Variants in MICAL3 observed in about 807,000 individuals in gnomAD.
MICAL3 encodes the protein [F-actin]-monooxygenase MICAL3.
Under a neutral mutation model 207.4 loss-of-function variants are expected in MICAL3, and 62 were observed. The observed-to-expected ratio is 0.30, with a 90% CI of 0.24 to 0.37. The LOEUF (loss-of-function observed/expected upper bound fraction) is 0.37. Among genes scored for constraint, MICAL3 ranks in the 10% least tolerant of loss-of-function variants. The probability of loss-of-function intolerance (pLI) is 1.00; values close to 1 mark genes in which losing one functional copy is unlikely to be tolerated. For synonymous variants in MICAL3, 1,077 were observed against 1,069.3 expected, an observed-to-expected ratio of 1.01 and a Z score of -0.14; for missense variants, 2,368 against 2,635.6, an observed-to-expected ratio of 0.90 and a Z score of 2.22.
At chr22:17,879,890 C>A (rs1370673159) in intron 16 of MICAL3, among the ~76,000 whole-genome samples, 2 of 152,148 alleles carry the variant, frequency 1.3e-5, no homozygotes, top group African/African-American at 4.8e-5. Context: ...CGGGCCAAAG[C>A]ATAATTTACT....
chr22:17,835,783 C>G (rs1170065887), intron 20 of MICAL3, among the ~76,000 whole-genome samples: 4 of 152,230 alleles, frequency 2.6e-5, no homozygotes, highest in Non-Finnish European at 5.9e-5. Flanking sequence ...ACGCACTGTC[C>G]TGTGAGATTG....
At chr22:17,808,266 T>G (rs577978540) in intron 29 of MICAL3, among the ~76,000 whole-genome samples, 1 of 152,230 alleles carries the variant, frequency 6.6e-6, no homozygotes, top group African/African-American at 2.4e-5. Context: ...CTGCTCCACG[T>G]CGGCTGGTCA....
intron 1 of MICAL3, among the ~76,000 whole-genome samples, chr22:18,006,820 C>T (rs545812763): frequency 4.6e-5 from 7 of 152,062 alleles, no homozygotes; most frequent in Non-Finnish European, 8.8e-5. Flanking sequence ...GCAACAAGAG[C>T]GAAACTCTGT....
At position 17,906,799 on chromosome 22, in the gene MICAL3, T is replaced by C. The variant is rs752116128; in HGVS notation, c.14A>G (p.Lys5Arg). The part of the protein sequence containing the change: MEER[K>R]HETMNPAHVL... ...ATGAGCTGGGTTCATGGTCTCATGC[T>C]TCCTCTCCTCCATGCTGCCTCACTC... The change falls in exon 2 of 32, where the codon AAG (lysine) becomes AGG (arginine). Residue 5 changes from lysine (K) to arginine (R), a missense_variant. Transcript: ENST00000441493. 4 of 1,606,430 alleles carry C rather than the reference T, an allele frequency of 2.5e-6. No homozygotes were observed. Among genetic ancestry groups the C allele is most frequent in the African/African-American group, 1.3e-5 (1 of 74,744 alleles).
chr22:17,821,853 A>T (rs1414870051), intron 24 of MICAL3, among the ~76,000 whole-genome samples, 177 bp downstream of exon 24: 2 of 152,234 alleles, frequency 1.3e-5, no homozygotes, highest in African/African-American at 2.4e-5. Flanking sequence ...CAACTGCAGC[A>T]GCCTGTGGCA....
In MICAL3 at chr22:17,942,053, C is replaced by A. The variant is rs983820161; in HGVS notation, c.-74-35167G>T. 1.6e-4 allele frequency among the ~76,000 whole-genome samples: 24 copies of A among 152,222 alleles called. 1 individual carries two copies. Among genetic ancestry groups the A allele is most frequent in the Non-Finnish European group, 2.9e-5 (2 of 68,042 alleles). ...GACAACAACAAGGAGAGGCGCCCAGCCACAGCACTCAAGGAAACGACTTGC... is the reference window on the plus strand; with the variant it reads ...GACAACAACAAGGAGAGGCGCCCAGACACAGCACTCAAGGAAACGACTTGC... On this transcript the variant is annotated intron_variant, in intron 1 of 31. Coordinates refer to ENST00000441493, the MANE Select transcript of MICAL3 (RefSeq NM_015241.3).
chr22:17,893,813 C>G lies in MICAL3; in HGVS notation c.1541G>C (p.Arg514Pro), dbSNP rs865849103. Residue 514 changes from arginine to proline, a missense_variant, in exon 11 of 32, where the codon CGC becomes CCC. Physicochemically the swap from Arg to Pro is moderately radical, Grantham distance 103. Transcript: ENST00000441493. ...AAGCCACCACCAGAACTCACCATTG[C>G]GAGTCAATTTGGGGGTGGTTCGGGA... The part of the protein sequence containing the change: ...VNSRTTPKLT[R>P]NESVARSSKL... 1.9e-6 allele frequency: 3 copies of G among 1,568,298 alleles called. No individual in the cohort carries two copies. Among genetic ancestry groups the G allele is most frequent in the Middle Eastern group, 1.7e-4 (1 of 5,774 alleles).
At chr22:17,954,131 C>A (rs1015369613) in intron 1 of MICAL3, among the ~76,000 whole-genome samples, 5 of 151,956 alleles carry the variant, frequency 3.3e-5, no homozygotes, top group African/African-American at 9.7e-5. Flanking sequence ...AGAGGTTCCA[C>A]GAGTATAGAA....
chr22:17,986,527 A>T (rs1921035856), intron 1 of MICAL3, among the ~76,000 whole-genome samples: 1 of 152,000 alleles, frequency 6.6e-6, no homozygotes, highest in Admixed American at 6.5e-5. Flanking sequence ...CTCAAAAAAA[A>T]AAAGAGGTAA....
Position 17,925,988 on chromosome 22 carries a change from A to G in MICAL3, c.-74-19102T>C, listed in dbSNP as rs150017028. ...AAATAAAATAAAATTTATGAAAAAA[A>G]ATGTTTTGACTTGGAAAACATAAAC... On this transcript the variant is annotated intron_variant, in intron 1 of 31. Coordinates refer to ENST00000441493, the MANE Select transcript of MICAL3 (RefSeq NM_015241.3). Among the ~76,000 whole-genome samples, 221 of 152,346 alleles carry G rather than the reference A, an allele frequency of 1.5e-3. 3 individuals are homozygous for G. The highest frequency in any genetic ancestry group is 4.2e-3 in the East Asian group (22 of 5,194).
chr22:17,977,206 C>T (rs1449486342), intron 1 of MICAL3, among the ~76,000 whole-genome samples: 2 of 152,136 alleles, frequency 1.3e-5, no homozygotes, highest in South Asian at 2.1e-4. Context: ...AAATTAAAAA[C>T]GTGTATGCTT....
At chr22:17,986,857 C>G (rs563441656) in intron 1 of MICAL3, among the ~76,000 whole-genome samples, 3 of 152,162 alleles carry the variant, frequency 2.0e-5, no homozygotes, top group African/African-American at 2.4e-5. Context: ...TAGGATACCT[C>G]TTTTCTCCCA....
chr22:17,893,948 C>G, intron 10 of MICAL3, 44 bp from the exon 11 acceptor site: 1 of 1,417,640 alleles, frequency 7.1e-7, no homozygotes, highest in South Asian at 1.2e-5. Context: ...AATCAAATAT[C>G]AAGTAACAAA....
At chr22:18,023,215 A>G (rs895663316) in intron 1 of MICAL3, among the ~76,000 whole-genome samples, 32 of 152,122 alleles carry the variant, frequency 2.1e-4, no homozygotes, top group African/African-American at 7.2e-4. Context: ...ATGCACTCCA[A>G]ATTTTCCCAC....
intron 27 of MICAL3, among the ~76,000 whole-genome samples, chr22:17,812,081 C>T (rs1338963531): frequency 6.6e-6 from 1 of 152,160 alleles, no homozygotes; most frequent in Non-Finnish European, 1.5e-5. Context: ...TCAAAGAAGA[C>T]AAACATGACT....
chr22:18,013,475 G>A (rs762188488), intron 1 of MICAL3, among the ~76,000 whole-genome samples: 4 of 152,216 alleles, frequency 2.6e-5, no homozygotes, highest in Non-Finnish European at 5.9e-5. Context: ...GTCACAGTCA[G>A]AATCTGAACC....
At chr22:17,962,684 C>G (rs4819652) in intron 1 of MICAL3, among the ~76,000 whole-genome samples, 36,250 of 152,046 alleles carry the variant, frequency 0.24, 4,928 homozygotes, top group East Asian at 0.52. Flanking sequence ...GTTTTAGGTG[C>G]TAGGAATAAG....
chr22:17,842,919 A>C (rs1440756906), intron 19 of MICAL3, among the ~76,000 whole-genome samples: 2 of 152,180 alleles, frequency 1.3e-5, no homozygotes, highest in African/African-American at 4.8e-5. Flanking sequence ...CAGCAGATCA[A>C]GGCCATCCTG....
intron 1 of MICAL3, among the ~76,000 whole-genome samples, chr22:18,016,718 A>G (rs1924077425): frequency 6.6e-6 from 1 of 152,162 alleles, no homozygotes; most frequent in Admixed American, 6.5e-5. Flanking sequence ...AGGCAGGCGG[A>G]TCACGAGGTC....
Sources: gnomAD v4.1 joint callset for allele counts (sites outside exome capture counted in the v4.1 genomes callset) on GRCh38, gnomAD v4.1.1 for gene constraint, MANE v1.5 for transcripts, NCBI Gene and HGNC (gene_info 2026-07-23, HGNC 2026-07-21) for gene names.